The following PRDM2 variants were observed in gnomAD, a reference collection of about 807,000 sequenced individuals.
PRDM2 encodes PR/SET domain 2.
A neutral mutation model predicts 130.0 loss-of-function variants in PRDM2; 30 were observed. The observed-to-expected ratio is 0.23, with a 90% CI of 0.17 to 0.31. The LOEUF is 0.31. Ranked by LOEUF, PRDM2 falls within the 10% of genes least tolerant of loss-of-function variation. The probability of loss-of-function intolerance (pLI) is 1.00; values close to 1 mark genes in which losing one functional copy is unlikely to be tolerated. For missense variants in PRDM2, 2,011 were observed against 2,108.4 expected, an observed-to-expected ratio of 0.95 and a Z score of 0.90; for synonymous variants, 871 against 782.4, an observed-to-expected ratio of 1.11 and a Z score of -1.89.
chr1:13,750,790 T>A (rs904159026), intron 6 of PRDM2, among the ~76,000 whole-genome samples: 2 of 151,990 alleles, frequency 1.3e-5, no homozygotes, highest in African/African-American at 4.8e-5. Context: ...TTTTTTTTTT[T>A]AACTTTTAAC....
At chr1:13,750,262 T>G (rs1643780841) in intron 6 of PRDM2, among the ~76,000 whole-genome samples, 2 of 152,206 alleles carry the variant, frequency 1.3e-5, no homozygotes, top group Non-Finnish European at 1.5e-5. Flanking sequence ...TTGGGGCTTT[T>G]TTTTTTAATG....
rs1202935295 is a variant in PRDM2 at position 13,824,465 on chromosome 1, T to C, written c.*1330T>C. On this transcript the variant is annotated 3_prime_UTR_variant, in exon 10 of 10. Coordinates refer to ENST00000311066, the MANE Select transcript of PRDM2 (RefSeq NM_001393986.1). ...CATTTTTAAAGTTTTATAACTTGTG[T>C]TATTTAATGAGTCAGTCAATCGGCT... 1.3e-5 allele frequency: 2 copies of C among 152,188 alleles called. No homozygotes were observed. The highest frequency in any genetic ancestry group is 2.9e-5 in the Non-Finnish European group (2 of 68,048). The allele number at this position is 152,188 out of a possible 1,614,324, so 9.4% of individuals were successfully genotyped here. A position where few individuals can be genotyped will look rare whatever the true frequency, so the allele number is the denominator to read the frequency against.
intron 8 of PRDM2, among the ~76,000 whole-genome samples, chr1:13,807,818 C>T (rs1645108560): frequency 6.6e-6 from 1 of 152,186 alleles, no homozygotes; most frequent in Admixed American, 6.5e-5. Context: ...GCAAGGAATT[C>T]TGACAAGTAA....
In PRDM2 at chr1:13,779,992, T is replaced by C. The variant is rs758707964; in HGVS notation, c.2197T>C (p.Phe733Leu). 6.2e-7 allele frequency: 1 copy of C among 1,614,126 alleles called. No homozygotes were observed. The highest frequency in any genetic ancestry group is 8.5e-7 in the Non-Finnish European group (1 of 1,180,024). ...ASMLPVTSSR[F>L]KRRTSSPPSS... is the part of the protein sequence containing the mutation. ...AATGTTGCCTGTGACCTCAAGTAGG[T>C]TTAAGAGGCGGACCAGCTCTCCTCC... Residue 733 changes from phenylalanine (F) to leucine (L), a missense_variant, in exon 8 of 10, where the codon TTT becomes CTT. Phe to Leu is a conservative substitution (Grantham distance 22). Around this residue, in one of 5 missense-constraint regions of PRDM2, gnomAD observed 1,288 missense variants for 1,237.7 expected, o/e 1.04. Coordinates refer to ENST00000311066, the MANE Select transcript of PRDM2 (RefSeq NM_001393986.1). This position sits in a 1 kb window ranked among gnomAD's most constrained non-coding sequence, Gnocchi z 4.9.
At chr1:13,755,984 G>T (rs548816683) in intron 6 of PRDM2, among the ~76,000 whole-genome samples, 1 of 151,714 alleles carries the variant, frequency 6.6e-6, no homozygotes. Flanking sequence ...GGGCGCAATG[G>T]CTCACACCTG....
chr1:13,705,520 T>C (rs1642181555), intron 1 of PRDM2: 1 of 152,216 alleles, frequency 6.6e-6, no homozygotes, highest in Non-Finnish European at 1.5e-5. Flanking sequence ...CCGTCTACCC[T>C]TCTCTGTGGA....
chr1:13,799,402 G>A (rs1644972527), intron 8 of PRDM2, among the ~76,000 whole-genome samples: 3 of 150,294 alleles, frequency 2.0e-5, no homozygotes, highest in South Asian at 4.2e-4. Context: ...CTGAGATCGC[G>A]CCATTGCACT....
rs1207466918 is a variant in PRDM2 at position 13,779,292 on chromosome 1, A to G, written c.1497A>G (p.Arg499=). ...KKVFGTHTNM[R]RHQRRVHERH... ...TTTTTGGAACTCATACTAATATGAG[A>G]CGGCATCAGCGTAGAGTTCACGAAC... Residue 499 remains arginine, a synonymous_variant, in exon 8 of 10, where the codon AGA becomes AGG. Coordinates refer to ENST00000311066, the MANE Select transcript of PRDM2 (RefSeq NM_001393986.1). The surrounding 1 kb of genome is among the most constrained non-coding windows in gnomAD (Gnocchi z 4.9). 6.2e-7 allele frequency: 1 copy of G among 1,614,090 alleles called. No individual in the cohort carries two copies. Among genetic ancestry groups the G allele is most frequent in the Admixed American group, 1.7e-5 (1 of 60,036 alleles).
intron 7 of PRDM2, among the ~76,000 whole-genome samples, chr1:13,776,196 C>T (rs1644471177): frequency 6.6e-6 from 1 of 152,078 alleles, no homozygotes; most frequent in African/African-American, 2.4e-5. Context: ...TAAAGTGAAG[C>T]TCTCTATGGG....
At chr1:13,729,006 G>A (rs1643015110) in intron 2 of PRDM2, among the ~76,000 whole-genome samples, 3 of 152,130 alleles carry the variant, frequency 2.0e-5, no homozygotes, top group Non-Finnish European at 4.4e-5. Context: ...ACTCCTTGAT[G>A]ATTAGGACTG....
chr1:13,707,951 C>T (rs1207861723), intron 1 of PRDM2, among the ~76,000 whole-genome samples: 1 of 151,518 alleles, frequency 6.6e-6, no homozygotes, highest in African/African-American at 2.4e-5. Context: ...TTGTAGGAAC[C>T]CTAAACAAAG....
chr1:13,815,318 G>A (rs561480232), intron 8 of PRDM2, among the ~76,000 whole-genome samples: 2 of 152,084 alleles, frequency 1.3e-5, no homozygotes, highest in Admixed American at 6.5e-5. Flanking sequence ...CACCATGTTC[G>A]CCAGGCTGGT....
At chr1:13,735,680 G>C (rs1643246923) in intron 4 of PRDM2, among the ~76,000 whole-genome samples, 1 of 152,136 alleles carries the variant, frequency 6.6e-6, no homozygotes, top group African/African-American at 2.4e-5. Flanking sequence ...TCCTACAGCA[G>C]AGCGGGGCAT....
At chr1:13,762,781 G>C (rs574058588) in intron 6 of PRDM2, among the ~76,000 whole-genome samples, 4 of 152,294 alleles carry the variant, frequency 2.6e-5, no homozygotes, top group African/African-American at 9.6e-5. Flanking sequence ...AGGCTTCCCG[G>C]CTTTACCTGG....
At chr1:13,791,448 T>A (rs1332840034) in intron 8 of PRDM2, among the ~76,000 whole-genome samples, 3 of 152,150 alleles carry the variant, frequency 2.0e-5, no homozygotes, top group African/African-American at 4.8e-5. Flanking sequence ...CCCTTTGATT[T>A]TGGAGATGAT....
At chr1:13,731,325 GAC>G (rs1643100773) in intron 3 of PRDM2, among the ~76,000 whole-genome samples, 1 of 151,636 alleles carries the variant, frequency 6.6e-6, no homozygotes. Flanking sequence ...CACACAAACA[GAC>G]ACACACACAA....
chr1:13,715,670 C>T lies in PRDM2; in HGVS notation c.9+56C>T, dbSNP rs1642510006. The T allele has an allele frequency of 2.7e-6, 4 of 1,473,718 alleles. No individual in the cohort carries two copies. In the East Asian group the frequency reaches 7.2e-5, roughly 27 times the overall value. 91.3% of individuals were successfully genotyped at this position (1,473,718 alleles called of 1,614,324 possible). A position where few individuals can be genotyped will look rare whatever the true frequency, so the allele number is the denominator to read the frequency against. ...ACATGACCTAGATGTTAGACCAGCT[C>T]TTGATTTTTACAAGATAGTAGCACA... On this transcript the variant is annotated intron_variant, in intron 2 of 9. Coordinates refer to ENST00000311066, the MANE Select transcript of PRDM2 (RefSeq NM_001393986.1).
chr1:13,717,422 G>T (rs1343538943), intron 2 of PRDM2: 1 of 985,228 alleles, frequency 1.0e-6, no homozygotes, highest in African/African-American at 1.7e-5. Context: ...GCGTTAGAAT[G>T]GTTGTGAGTT....
At chr1:13,796,711 C>T (rs1644928869) in intron 8 of PRDM2, among the ~76,000 whole-genome samples, 1 of 152,162 alleles carries the variant, frequency 6.6e-6, no homozygotes, top group Non-Finnish European at 1.5e-5. Flanking sequence ...ATGATTGCAC[C>T]ACTGTGTTCC....
Sources: gnomAD v4.1 joint callset for allele counts (sites outside exome capture counted in the v4.1 genomes callset) on GRCh38, gnomAD v4.1.1 for gene constraint, gnomAD v4.1.1 regional missense constraint, Gnocchi (gnomAD v3.1) non-coding constraint, MANE v1.5 for transcripts, NCBI Gene and HGNC (gene_info 2026-07-23, HGNC 2026-07-21) for gene names.